The following KAZN variants were observed in gnomAD, a reference collection of about 807,000 sequenced individuals.
KAZN encodes the protein kazrin, periplakin interacting protein.
KAZN carries 40 observed loss-of-function variants against 87.4 expected under a neutral mutation model. The observed-to-expected ratio is 0.46, with a 90% CI of 0.36 to 0.60. The LOEUF is 0.60. Ranked by LOEUF, KAZN falls within the 20% of genes least tolerant of loss-of-function variation. KAZN has a pLI of 0.00. For synonymous variants in KAZN, 466 were observed against 458.3 expected (o/e 1.02, Z -0.22); for missense variants, 898 against 1,073.9 (o/e 0.84, Z 2.29).
intron 1 of KAZN, among the ~76,000 whole-genome samples, chr1:14,929,543 C>G (rs1033468031): frequency 1.3e-5 from 2 of 152,210 alleles, no homozygotes; most frequent in Admixed American, 6.5e-5. Context: ...ACACAGCAAG[C>G]TGACAAAAAT....
chr1:15,102,118 G>A (rs1363564062), intron 11 of KAZN, among the ~76,000 whole-genome samples: 1 of 152,162 alleles, frequency 6.6e-6, no homozygotes, highest in African/African-American at 2.4e-5. Context: ...GGAAGCTGGT[G>A]GTGCCAATAT....
chr1:15,032,165 C>T (rs916547622), intron 2 of KAZN, among the ~76,000 whole-genome samples: 12 of 150,914 alleles, frequency 8.0e-5, no homozygotes, highest in Non-Finnish European at 1.6e-4. Context: ...ATAGATTTTC[C>T]CATTGTGGAC....
chr1:14,708,637 C>CCCA (rs1417458387), intron 1 of KAZN, among the ~76,000 whole-genome samples: 1 of 152,218 alleles, frequency 6.6e-6, no homozygotes, highest in East Asian at 1.9e-4. Flanking sequence ...CATACAGAGG[C>CCCA]CCACAGCTCT....
intron 2 of KAZN, among the ~76,000 whole-genome samples, chr1:14,238,505 A>G (rs1337569984): frequency 6.6e-6 from 1 of 152,250 alleles, no homozygotes; most frequent in Non-Finnish European, 1.5e-5. Context: ...AGAACTGATT[A>G]TCATCAGGCC....
chr1:14,801,372 C>T (rs528731213), intron 1 of KAZN, among the ~76,000 whole-genome samples: 51 of 152,244 alleles, frequency 3.3e-4, no homozygotes, highest in Non-Finnish European at 6.9e-4. Flanking sequence ...AGGGGTGGCA[C>T]GCACAGGTGA....
At chr1:13,896,264 A>G (rs947242172) in intron 1 of KAZN, among the ~76,000 whole-genome samples, 2 of 152,122 alleles carry the variant, frequency 1.3e-5, no homozygotes, top group Non-Finnish European at 2.9e-5. Flanking sequence ...GCAGCCACAG[A>G]CAAAGTGTAT....
At chr1:14,322,283 G>A (rs568696151) in intron 2 of KAZN, among the ~76,000 whole-genome samples, 1 of 152,116 alleles carries the variant, frequency 6.6e-6, no homozygotes, top group African/African-American at 2.4e-5. Flanking sequence ...AATAAAGTAA[G>A]TAAATAAAAC....
At chr1:14,419,300 G>A (rs777603798) in intron 2 of KAZN, among the ~76,000 whole-genome samples, 20 of 152,162 alleles carry the variant, frequency 1.3e-4, no homozygotes, top group Admixed American at 2.6e-4. Context: ...GCAAAAGAAA[G>A]AAAGGCCGGG....
At chr1:14,722,434 G>A (rs1643165450) in intron 1 of KAZN, among the ~76,000 whole-genome samples, 1 of 152,096 alleles carries the variant, frequency 6.6e-6, no homozygotes, top group Non-Finnish European at 1.5e-5. Context: ...TTAAAACCCA[G>A]AAGAAGAACA....
chr1:14,096,036 G>T (rs184671239), intron 1 of KAZN, among the ~76,000 whole-genome samples: 7 of 152,218 alleles, frequency 4.6e-5, no homozygotes, highest in Non-Finnish European at 8.8e-5. Flanking sequence ...GGCTAAAAAT[G>T]GTAGAATAGT....
At chr1:14,698,702 C>G (rs564598745) in intron 1 of KAZN, among the ~76,000 whole-genome samples, 1 of 152,200 alleles carries the variant, frequency 6.6e-6, no homozygotes, top group Admixed American at 6.5e-5. Flanking sequence ...GCTAAAACAC[C>G]GCCTCCTCAG....
intron 1 of KAZN, among the ~76,000 whole-genome samples, chr1:14,851,997 C>G (rs993716977): frequency 1.8e-4 from 27 of 152,170 alleles, no homozygotes; most frequent in African/African-American, 6.3e-4. Context: ...TTGGAACAAG[C>G]CAAATGAAGT....
chr1:14,349,858 C>G (rs796558860), intron 2 of KAZN, among the ~76,000 whole-genome samples: 6 of 152,062 alleles, frequency 3.9e-5, no homozygotes, highest in African/African-American at 1.4e-4. Flanking sequence ...GACAAGAGGC[C>G]CGGTGCGGTG....
In KAZN at chr1:14,599,935, T is replaced by A. The variant is rs1676823582; in HGVS notation, c.226+712T>A. Among the ~76,000 whole-genome samples the A allele has an allele frequency of 6.6e-6, 1 of 151,978 alleles. No homozygotes were observed. The highest frequency in any genetic ancestry group is 1.5e-5 in the Non-Finnish European group (1 of 68,018). On this transcript the variant is annotated intron_variant, in intron 1 of 14. Coordinates refer to ENST00000376030, the MANE Select transcript of KAZN (RefSeq NM_201628.3). The surrounding 1 kb of genome is among the most constrained non-coding windows in gnomAD (Gnocchi z 4.4). The stretch of plus-strand genomic sequence containing the variant: ...GCAGGGAGCCCGTTTGAAGGGACTC[T>A]GCGGTTTAGAGAAGAGGAAGAAAAA...
intron 2 of KAZN, among the ~76,000 whole-genome samples, chr1:14,279,400 C>T (rs1015855022): frequency 2.0e-5 from 3 of 152,142 alleles, no homozygotes; most frequent in Non-Finnish European, 4.4e-5. Flanking sequence ...TAATTGCTCC[C>T]AAATTGAACT....
intron 1 of KAZN, among the ~76,000 whole-genome samples, chr1:14,940,262 C>T (rs940730685): frequency 1.3e-5 from 2 of 152,196 alleles, no homozygotes; most frequent in African/African-American, 2.4e-5. Context: ...GTTTGAATAC[C>T]TTCAGGGATT....
chr1:14,861,241 G>A (rs367941180), intron 1 of KAZN, among the ~76,000 whole-genome samples: 3 of 152,146 alleles, frequency 2.0e-5, no homozygotes, highest in Admixed American at 6.5e-5. Flanking sequence ...AGCTGGGTAC[G>A]GTGACTCAAC....
intron 1 of KAZN, among the ~76,000 whole-genome samples, chr1:14,082,291 A>G (rs3817948): frequency 0.1 from 15,156 of 152,252 alleles, 930 homozygotes; most frequent in East Asian, 0.13. Flanking sequence ...TTTCGGGGAT[A>G]TCTTAAATCC....
chr1:14,338,393 G>A (rs193274046), intron 2 of KAZN, among the ~76,000 whole-genome samples: 17 of 151,864 alleles, frequency 1.1e-4, no homozygotes, highest in African/African-American at 3.6e-4. Context: ...ACTGAGGCAG[G>A]AGAATCGCTG....
Sources: allele counts gnomAD v4.1 joint callset (sites outside exome capture counted in the v4.1 genomes callset), GRCh38; gene constraint gnomAD v4.1.1; non-coding constraint Gnocchi (gnomAD v3.1); transcripts MANE v1.5; gene names NCBI Gene and HGNC (gene_info 2026-07-23, HGNC 2026-07-21).